Variants in MYO1E observed in about 807,000 individuals in gnomAD.
MYO1E encodes the protein unconventional myosin-Ie.
A neutral mutation model predicts 151.1 loss-of-function variants in MYO1E; 68 were observed. That is an observed-to-expected ratio of 0.45 (90% CI 0.37 to 0.55). The LOEUF is 0.55. MYO1E is among the 20% of genes least tolerant of loss of function. MYO1E has a pLI of 0.00. For synonymous variants in MYO1E, 601 were observed against 501.7 expected (o/e 1.20, Z -2.64); for missense variants, 1,363 against 1,389.3 (o/e 0.98, Z 0.30).
intron 26 of MYO1E, among the ~76,000 whole-genome samples, chr15:59,138,943 C>T (rs2079390681): frequency 6.6e-6 from 1 of 152,144 alleles, no homozygotes; most frequent in Non-Finnish European, 1.5e-5. Context: ...ATGACGTGCC[C>T]TGCTGATGCC....
chr15:59,218,699 C>G (rs2079934958), intron 9 of MYO1E, among the ~76,000 whole-genome samples: 1 of 152,150 alleles, frequency 6.6e-6, no homozygotes, highest in African/African-American at 2.4e-5. Flanking sequence ...CTTGGAAAAG[C>G]TGAATATGTA....
At position 59,137,304 on chromosome 15, in the gene MYO1E, G is replaced by A. The variant is rs370633886; in HGVS notation, c.*76C>T. The A allele has an allele frequency of 7.7e-7, 1 of 1,305,106 alleles. No individual in the cohort carries two copies. The highest frequency in any genetic ancestry group is 1.5e-5 in the African/African-American group (1 of 68,460). 80.8% of individuals were successfully genotyped at this position (1,305,106 alleles called of 1,614,324 possible). On this transcript the variant is annotated 3_prime_UTR_variant, in exon 28 of 28. Transcript: ENST00000288235. ...AGCAATTGCTCATTGTGGATTGTAA[G>A]GGGAGCCCCTAAATATCCCCTCCCC...
chr15:59,203,496 C>T (rs1314138232), intron 15 of MYO1E, among the ~76,000 whole-genome samples: 1 of 151,938 alleles, frequency 6.6e-6, no homozygotes, highest in Non-Finnish European at 1.5e-5. Context: ...TCTCCTGCCT[C>T]AGCCTCCTGA....
chr15:59,155,931 G>A (rs1242012347), intron 25 of MYO1E, among the ~76,000 whole-genome samples: 5 of 152,118 alleles, frequency 3.3e-5, no homozygotes, highest in African/African-American at 9.7e-5. Context: ...GTACAGTAGT[G>A]CAATCTCAGA....
At chr15:59,156,217 C>G (rs1316173412) in intron 25 of MYO1E, among the ~76,000 whole-genome samples, 1 of 152,094 alleles carries the variant, frequency 6.6e-6, no homozygotes, top group Non-Finnish European at 1.5e-5. Flanking sequence ...CAGAGTGTTG[C>G]TCTGTCACCC....
intron 2 of MYO1E, among the ~76,000 whole-genome samples, chr15:59,271,657 GAAC>G (rs1482202759): frequency 6.6e-6 from 1 of 152,158 alleles, no homozygotes; most frequent in African/African-American, 2.4e-5. Flanking sequence ...GAAACATAAA[GAAC>G]AACTGAAGAA....
At chr15:59,207,176 C>T (rs146343279) in intron 14 of MYO1E, 7 of 1,614,066 alleles carry the variant, frequency 4.3e-6, no homozygotes, top group African/African-American at 2.7e-5. Context: ...GGAACTGGAT[C>T]GGTGGGCATG....
chr15:59,322,745 A>G (rs918436498), intron 1 of MYO1E, among the ~76,000 whole-genome samples: 7 of 152,220 alleles, frequency 4.6e-5, no homozygotes, highest in Admixed American at 3.3e-4. Context: ...AAAAAGGTAC[A>G]TGGGTTTTGA....
chr15:59,209,722 C>T (rs1391327350), intron 13 of MYO1E, among the ~76,000 whole-genome samples: 6 of 148,380 alleles, frequency 4.0e-5, no homozygotes, highest in Admixed American at 6.8e-5. Context: ...AAGTTGTCTA[C>T]GGATGTTTTT....
intron 2 of MYO1E, among the ~76,000 whole-genome samples, chr15:59,264,471 A>T (rs565849891): frequency 6.6e-6 from 1 of 152,340 alleles, no homozygotes; most frequent in Non-Finnish European, 1.5e-5. Context: ...TTGGAAAGTC[A>T]TTCAAACAAG....
chr15:59,215,765 C>A (rs180690598), intron 10 of MYO1E, among the ~76,000 whole-genome samples: 1 of 152,244 alleles, frequency 6.6e-6, no homozygotes, highest in Admixed American at 6.5e-5. Flanking sequence ...TGTACTGGTA[C>A]TATTCACAAA....
At chr15:59,236,451 T>C (rs1189113844) in intron 5 of MYO1E, 134 bp downstream of exon 5, 1 of 676,032 alleles carries the variant, frequency 1.5e-6, no homozygotes, top group East Asian at 3.2e-5. Flanking sequence ...TCCTTTCCAT[T>C]CCAGATTTCA....
At chr15:59,326,453 G>C (rs188489305) in intron 1 of MYO1E, among the ~76,000 whole-genome samples, 128 of 152,278 alleles carry the variant, frequency 8.4e-4, no homozygotes, top group Non-Finnish European at 5.0e-4. Flanking sequence ...AACCTGGGAG[G>C]TGGAGGCTGC....
At chr15:59,224,666 C>CT in intron 8 of MYO1E, 23 bp downstream of exon 8, 1 of 1,614,086 alleles carries the variant, frequency 6.2e-7, no homozygotes, top group Non-Finnish European at 8.5e-7. Flanking sequence ...GCAGATCCTG[C>CT]CTGGCCCTGC....
chr15:59,307,346 T>C (rs534926808), intron 1 of MYO1E, among the ~76,000 whole-genome samples: 17 of 152,218 alleles, frequency 1.1e-4, no homozygotes, highest in African/African-American at 4.1e-4. Flanking sequence ...TTCCGCACAG[T>C]CGTTTTCTAT....
intron 9 of MYO1E, 76 bp downstream of exon 9, chr15:59,222,983 C>A: frequency 1.3e-6 from 2 of 1,592,280 alleles, no homozygotes; most frequent in Non-Finnish European, 1.7e-6. Flanking sequence ...GAGATCTAAG[C>A]AAAGGAAAGT....
chr15:59,179,663 T>C (rs1204808948), intron 18 of MYO1E, among the ~76,000 whole-genome samples: 2 of 152,244 alleles, frequency 1.3e-5, no homozygotes, highest in African/African-American at 2.4e-5. Context: ...GCGTCAGAGA[T>C]GGGATTTGAA....
intron 1 of MYO1E, among the ~76,000 whole-genome samples, chr15:59,341,121 T>C (rs891216591): frequency 6.6e-6 from 1 of 152,086 alleles, no homozygotes; most frequent in Admixed American, 6.5e-5. Context: ...TAGGTGTATA[T>C]GGATATTTTG....
At chr15:59,368,067 C>T (rs1307505802) in intron 1 of MYO1E, among the ~76,000 whole-genome samples, 1 of 152,042 alleles carries the variant, frequency 6.6e-6, no homozygotes, top group South Asian at 2.1e-4. Flanking sequence ...TATAGTGAAC[C>T]GAGATCGCGC....
Sources: gnomAD v4.1 joint callset for allele counts (sites outside exome capture counted in the v4.1 genomes callset) on GRCh38, gnomAD v4.1.1 for gene constraint, MANE v1.5 for transcripts, NCBI Gene and HGNC (gene_info 2026-07-23, HGNC 2026-07-21) for gene names.